The following KCNMA1 variants were observed in gnomAD, a reference collection of about 807,000 sequenced individuals.
The protein encoded by KCNMA1 is Calcium-activated potassium channel subunit alpha-1.
In KCNMA1, 29 loss-of-function variants were observed where a neutral mutation model predicts 140.0. The observed-to-expected ratio is 0.21, with a 90% CI of 0.15 to 0.28. The LOEUF (loss-of-function observed/expected upper bound fraction) is 0.28, where lower values mean the gene tolerates loss of function less well. Ranked by LOEUF, KCNMA1 falls within the 10% of genes least tolerant of loss-of-function variation. The pLI is 1.00. For synonymous variants in KCNMA1, 612 were observed against 611.9 expected, an observed-to-expected ratio of 1.00 and a Z score of 0.00; for missense variants, 880 against 1,602.2, an observed-to-expected ratio of 0.55 and a Z score of 7.70.
At chr10:77,150,226 T>C (rs942784938) in intron 5 of KCNMA1, 1 of 152,164 alleles carries the variant, frequency 6.6e-6, no homozygotes, top group African/African-American at 2.4e-5. Flanking sequence ...GGTTTGCAAA[T>C]AAAATCAAAC....
intron 5 of KCNMA1, among the ~76,000 whole-genome samples, chr10:77,153,630 T>C (rs1486947062): frequency 6.6e-6 from 1 of 152,210 alleles, no homozygotes; most frequent in Non-Finnish European, 1.5e-5. Flanking sequence ...CCCAAAGTGC[T>C]GGATTACAGG....
intron 23 of KCNMA1, among the ~76,000 whole-genome samples, chr10:76,942,301 C>G (rs984637749): frequency 6.6e-6 from 1 of 152,134 alleles, no homozygotes; most frequent in African/African-American, 2.4e-5. Flanking sequence ...CATGAGGGCT[C>G]CACCCTCATG....
chr10:77,003,029 G>T (rs1056506888), intron 18 of KCNMA1, among the ~76,000 whole-genome samples: 1 of 152,236 alleles, frequency 6.6e-6, no homozygotes, highest in East Asian at 1.9e-4. Context: ...CAGGAAGAGG[G>T]GTTTAAATCT....
chr10:77,098,826 T>C (rs1435177879), intron 9 of KCNMA1, among the ~76,000 whole-genome samples: 1 of 152,098 alleles, frequency 6.6e-6, no homozygotes, highest in Non-Finnish European at 1.5e-5. Flanking sequence ...CCACAGTTGC[T>C]GAACCCTCAC....
At chr10:77,164,601 C>A (rs1375241809) in intron 5 of KCNMA1, among the ~76,000 whole-genome samples, 1 of 152,038 alleles carries the variant, frequency 6.6e-6, no homozygotes, top group Non-Finnish European at 1.5e-5. Context: ...AGCTCTTCCT[C>A]CTCTAGAAGC....
intron 1 of KCNMA1, among the ~76,000 whole-genome samples, chr10:77,443,716 A>G (rs1346280467): frequency 1.3e-5 from 2 of 152,212 alleles, no homozygotes; most frequent in East Asian, 1.9e-4. Context: ...CTCCACCTCT[A>G]AAGTGCTTTC....
intron 2 of KCNMA1, among the ~76,000 whole-genome samples, chr10:77,286,606 G>A (rs1185872179): frequency 1.3e-5 from 2 of 152,112 alleles, no homozygotes; most frequent in African/African-American, 4.8e-5. Flanking sequence ...ATGGAAGGAG[G>A]CTCCCAATTA....
rs566999350 is a variant in KCNMA1, at chr10:77,113,463, A to T, written c.885-1021T>A. 2.8e-4 allele frequency among the ~76,000 whole-genome samples: 43 copies of T among 151,676 alleles called. 1 individual carries two copies. The South Asian group carries it at 7.9e-3, about 28-fold the overall frequency. ...CCTGTTTATTTACTTATTTATTTTT[A>T]TTTTATTTTTTATTTTTTGAGACGA... On this transcript the variant is annotated intron_variant, in intron 6 of 27. Coordinates refer to ENST00000286628, the MANE Select transcript of KCNMA1 (RefSeq NM_001161352.2).
intron 1 of KCNMA1, among the ~76,000 whole-genome samples, chr10:77,493,330 G>C (rs1240709886): frequency 2.0e-5 from 3 of 152,246 alleles, no homozygotes; most frequent in Admixed American, 6.5e-5. Flanking sequence ...GCCTCGCTGA[G>C]GGCCAGGGCC....
chr10:77,418,914 C>T (rs1280626482), intron 1 of KCNMA1, among the ~76,000 whole-genome samples: 1 of 152,214 alleles, frequency 6.6e-6, no homozygotes, highest in African/African-American at 2.4e-5. Flanking sequence ...TCCCCTCATT[C>T]CTTTTCAGAC....
At position 77,145,665 on chromosome 10, in the gene KCNMA1, T is replaced by G. The variant is rs560382817; in HGVS notation, c.809-24617A>C. 2.0e-5 allele frequency among the ~76,000 whole-genome samples: 3 copies of G among 152,370 alleles called. No homozygotes were observed. In the East Asian group the frequency reaches 5.8e-4, roughly 29 times the overall value. On this transcript the variant is annotated intron_variant, in intron 5 of 27. Transcript: ENST00000286628. ...GGACACTGGAATCCATTCATTCATTTAAAAATATTGACCAAGAAATGAACT... is the reference window on the plus strand; with the variant it reads ...GGACACTGGAATCCATTCATTCATTGAAAAATATTGACCAAGAAATGAACT...
Position 76,949,414 on chromosome 10 carries a change from G to C in KCNMA1, c.2485-48C>G, listed in dbSNP as rs201260425. On this transcript the variant is annotated intron_variant, in intron 21 of 27. Coordinates refer to ENST00000286628, the MANE Select transcript of KCNMA1 (RefSeq NM_001161352.2). ...AGAGTCAGAGAGAAGACTGCATAGG[G>C]CTGTTGTAAGGAGTGAAATAAATCA... The C allele has an allele frequency of 2.6e-5, 37 of 1,414,622 alleles. No individual in the cohort carries two copies. The East Asian group carries it at 7.2e-4, about 28-fold the overall frequency. The allele number at this position is 1,414,622 out of a possible 1,614,324, so 87.6% of individuals were successfully genotyped here.
At chr10:77,488,124 A>G (rs1479788600) in intron 1 of KCNMA1, among the ~76,000 whole-genome samples, 1 of 152,224 alleles carries the variant, frequency 6.6e-6, no homozygotes, top group Admixed American at 6.5e-5. Context: ...AGGTGGCCCA[A>G]CGATGTCGAC....
intron 2 of KCNMA1, among the ~76,000 whole-genome samples, chr10:77,316,991 C>T (rs1284854879): frequency 6.6e-6 from 1 of 152,152 alleles, no homozygotes; most frequent in Non-Finnish European, 1.5e-5. Context: ...TGCCCTCATT[C>T]ATAAAATGGG....
intron 9 of KCNMA1, among the ~76,000 whole-genome samples, chr10:77,098,325 A>G (rs566468721): frequency 1.2e-4 from 18 of 152,240 alleles, no homozygotes; most frequent in African/African-American, 4.1e-4. Flanking sequence ...ACAGTCTCCC[A>G]ATTATATACA....
chr10:77,315,513 A>AT (rs1333938773), intron 2 of KCNMA1: 1 of 152,124 alleles, frequency 6.6e-6, no homozygotes, highest in Non-Finnish European at 1.5e-5. Context: ...TAGAATGGTG[A>AT]TTTTTTTCCC....
At chr10:77,257,175 GT>G (rs952164570) in intron 2 of KCNMA1, among the ~76,000 whole-genome samples, 2 of 152,262 alleles carry the variant, frequency 1.3e-5, no homozygotes, top group Admixed American at 1.3e-4. Context: ...GTGACATTTT[GT>G]TTTTTGAGAG....
intron 2 of KCNMA1, among the ~76,000 whole-genome samples, chr10:77,252,170 T>C (rs561707145): frequency 1.3e-5 from 2 of 152,340 alleles, no homozygotes; most frequent in Admixed American, 1.3e-4. Flanking sequence ...CTAAGGTCCA[T>C]AGAATGAATA....
chr10:76,964,549 T>A (rs1270792744), intron 20 of KCNMA1, among the ~76,000 whole-genome samples: 3 of 152,162 alleles, frequency 2.0e-5, no homozygotes, highest in Non-Finnish European at 4.4e-5. Context: ...GGGAGGCCTG[T>A]CATATGCTAT....
Sources: gnomAD v4.1 joint callset for allele counts (sites outside exome capture counted in the v4.1 genomes callset) on GRCh38, gnomAD v4.1.1 for gene constraint, MANE v1.5 for transcripts, NCBI Gene and HGNC (gene_info 2026-07-23, HGNC 2026-07-21) for gene names.